The following PRKG1 variants were observed in gnomAD, a reference collection of about 807,000 sequenced individuals.
The protein encoded by PRKG1 is cGMP-dependent protein kinase 1.
In PRKG1, 35 loss-of-function variants were observed where a neutral mutation model predicts 88.1. That is an observed-to-expected ratio of 0.40 (90% CI 0.30 to 0.53). The LOEUF (loss-of-function observed/expected upper bound fraction) is 0.53, where lower values mean the gene tolerates loss of function less well. Among genes scored for constraint, PRKG1 ranks in the 20% least tolerant of loss-of-function variants. The pLI is 0.59. For missense variants in PRKG1, 540 were observed against 839.8 expected (o/e 0.64, Z 4.41); for synonymous variants, 303 against 292.5 (o/e 1.04, Z -0.37).
At chr10:51,639,677 G>T (rs1031272026) in intron 3 of PRKG1, among the ~76,000 whole-genome samples, 9 of 150,802 alleles carry the variant, frequency 6.0e-5, no homozygotes, top group Admixed American at 5.9e-4. Context: ...CCAAATCAAA[G>T]TCCATATACA....
intron 2 of PRKG1, among the ~76,000 whole-genome samples, chr10:51,153,737 C>G (rs1846136809): frequency 6.6e-6 from 1 of 151,902 alleles, no homozygotes; most frequent in African/African-American, 2.4e-5. Flanking sequence ...GACTAGTTTT[C>G]CTGCTATGAA....
At chr10:52,291,461 T>C (rs1842243846) in intron 17 of PRKG1, among the ~76,000 whole-genome samples, 1 of 138,280 alleles carries the variant, frequency 7.2e-6, no homozygotes, top group Non-Finnish European at 1.5e-5. Flanking sequence ...TGTGTTCATG[T>C]GTTCTCATTG....
At chr10:51,188,007 G>A (rs1483132358) in intron 2 of PRKG1, among the ~76,000 whole-genome samples, 1 of 151,994 alleles carries the variant, frequency 6.6e-6, no homozygotes, top group Non-Finnish European at 1.5e-5. Flanking sequence ...ATGCTTTCAT[G>A]TTTCTGTCCT....
intron 3 of PRKG1, among the ~76,000 whole-genome samples, chr10:51,689,983 G>T (rs1841094998): frequency 6.6e-6 from 1 of 152,162 alleles, no homozygotes; most frequent in Admixed American, 6.5e-5. Flanking sequence ...AATTTATAAA[G>T]AAAAGAGGTT....
intron 3 of PRKG1, among the ~76,000 whole-genome samples, chr10:51,480,718 A>G (rs1283384670): frequency 6.6e-6 from 1 of 152,190 alleles, no homozygotes; most frequent in Non-Finnish European, 1.5e-5. Flanking sequence ...AAGCTCATAG[A>G]GAATATTGAT....
rs185149501 is a variant in PRKG1 at position 51,177,497 on chromosome 10, C to T, written c.478+24167C>T. 4.6e-5 allele frequency among the ~76,000 whole-genome samples: 7 copies of T among 152,218 alleles called. No individual in the cohort carries two copies. The East Asian group carries it at 1.2e-3, about 25-fold the overall frequency. ...TTTGCTCTACTCTAAAGACTCCAAG[C>T]CTTTCAATGACCACATCACATCCTC... On this transcript the variant is annotated intron_variant, in intron 2 of 17. Coordinates refer to ENST00000373980, the MANE Select transcript of PRKG1 (RefSeq NM_006258.4).
chr10:51,023,251 A>G (rs1280454508), intron 1 of PRKG1, among the ~76,000 whole-genome samples: 1 of 152,294 alleles, frequency 6.6e-6, no homozygotes, highest in East Asian at 1.9e-4. Context: ...TAGTTCAAAC[A>G]CTTTATGATT....
At chr10:51,747,531 T>C (rs533618341) in intron 3 of PRKG1, among the ~76,000 whole-genome samples, 84 of 152,146 alleles carry the variant, frequency 5.5e-4, no homozygotes, top group African/African-American at 2.0e-3. Context: ...AAATCCAAGG[T>C]TTTGATTGTG....
At chr10:51,656,969 A>C (rs983989871) in intron 3 of PRKG1, among the ~76,000 whole-genome samples, 19 of 152,182 alleles carry the variant, frequency 1.2e-4, no homozygotes, top group Admixed American at 9.8e-4. Flanking sequence ...TGGGCAAGTT[A>C]CTTGAATTCT....
chr10:51,212,856 T>TAC (rs1309712642), intron 2 of PRKG1, among the ~76,000 whole-genome samples: 4 of 151,544 alleles, frequency 2.6e-5, no homozygotes, highest in Admixed American at 1.3e-4. Flanking sequence ...GGAACACTTT[T>TAC]ACTGTTGGTG....
intron 1 of PRKG1, among the ~76,000 whole-genome samples, chr10:51,049,784 T>TTTGTGTA (rs1347940774): frequency 6.6e-6 from 1 of 152,220 alleles, no homozygotes; most frequent in East Asian, 1.9e-4. Flanking sequence ...GGTATGGGTT[T>TTTGTGTA]TTGTGTATTG....
At chr10:52,277,256 A>G (rs1841894974) in intron 12 of PRKG1, among the ~76,000 whole-genome samples, 1 of 152,018 alleles carries the variant, frequency 6.6e-6, no homozygotes, top group Non-Finnish European at 1.5e-5. Context: ...AACAGAGATT[A>G]GCAAAGGATT....
intron 3 of PRKG1, among the ~76,000 whole-genome samples, chr10:51,495,948 T>C (rs1840838840): frequency 6.6e-6 from 1 of 152,194 alleles, no homozygotes. Flanking sequence ...AGACACAAGT[T>C]TTAAGCTGTT....
chr10:52,205,060 T>G (rs187938210), intron 9 of PRKG1, among the ~76,000 whole-genome samples: 129 of 152,226 alleles, frequency 8.5e-4, no homozygotes, highest in African/African-American at 3.0e-3. Context: ...TAGATAGGGA[T>G]GAAACACGCC....
intron 3 of PRKG1, among the ~76,000 whole-genome samples, chr10:51,785,507 G>A (rs1002170721): frequency 1.3e-5 from 2 of 152,058 alleles, no homozygotes; most frequent in Non-Finnish European, 2.9e-5. Context: ...CTACTTGAAC[G>A]CAACTTGTAA....
chr10:51,049,694 A>G (rs1282158241), intron 1 of PRKG1, among the ~76,000 whole-genome samples: 1 of 152,098 alleles, frequency 6.6e-6, no homozygotes, highest in African/African-American at 2.4e-5. Flanking sequence ...AAAAAGTTCT[A>G]TGTTTTGTGT....
intron 2 of PRKG1, among the ~76,000 whole-genome samples, chr10:51,338,440 G>T (rs181094045): frequency 6.6e-6 from 1 of 152,126 alleles, no homozygotes; most frequent in Non-Finnish European, 1.5e-5. Context: ...AGAAAAATAA[G>T]GGTTTCTAGG....
At chr10:51,250,825 G>C (rs770619654) in intron 2 of PRKG1, among the ~76,000 whole-genome samples, 1 of 151,712 alleles carries the variant, frequency 6.6e-6, no homozygotes, top group Admixed American at 6.6e-5. Flanking sequence ...AGAAGAACTG[G>C]TATTGAGCTC....
In PRKG1 at chr10:52,118,099, TTAAA is replaced by T. The variant is rs1212101320; in HGVS notation, c.936-15735_936-15732del. Among the ~76,000 whole-genome samples, 21 of 152,240 alleles carry T rather than the reference TTAAA, an allele frequency of 1.4e-4. No homozygotes were observed. The East Asian group carries it at 4.0e-3, about 29-fold the overall frequency. ...AAGATTAAAAATTACAAGAAAATACTTAAATAAATTATGCTGAATTGTCTCTACA... is the reference window on the plus strand; with the variant it reads ...AAGATTAAAAATTACAAGAAAATACTTAAATTATGCTGAATTGTCTCTACA... On this transcript the variant is annotated intron_variant, in intron 7 of 17. Coordinates refer to ENST00000373980, the MANE Select transcript of PRKG1 (RefSeq NM_006258.4).
Sources: allele counts gnomAD v4.1 joint callset (sites outside exome capture counted in the v4.1 genomes callset), GRCh38; gene constraint gnomAD v4.1.1; transcripts MANE v1.5; gene names NCBI Gene and HGNC (gene_info 2026-07-23, HGNC 2026-07-21).